Variants in TGM7 observed in about 807,000 individuals in gnomAD.
TGM7 encodes protein-glutamine gamma-glutamyltransferase Z.
A neutral mutation model predicts 79.5 loss-of-function variants in TGM7; 74 were observed. That is an observed-to-expected ratio of 0.93 (90% CI 0.77 to 1.13). TGM7 has a LOEUF of 1.13. Ranked by LOEUF, TGM7 falls within the 50% of genes most tolerant of loss-of-function variation. The pLI, the probability that TGM7 is intolerant of heterozygous loss-of-function variation, is 0.00. For synonymous variants in TGM7, 354 were observed against 362.5 expected (o/e 0.98, Z 0.27); for missense variants, 912 against 905.9 (o/e 1.01, Z -0.09).
At position 43,291,126 on chromosome 15, in the gene TGM7, G is replaced by A. The variant is rs371984711; in HGVS notation, c.558+853C>T. Among the ~76,000 whole-genome samples, 210 of 152,216 alleles carry A rather than the reference G, an allele frequency of 1.4e-3. 6 individuals carry two copies. In the South Asian group the frequency reaches 0.042, roughly 30 times the overall value. Reference sequence around the variant, plus strand: ...TTAAATAGGAGTGGTGAGAGAGGGCGTCCCTGTCTTGTGCCAGTTTTCAAA... The same window carrying A: ...TTAAATAGGAGTGGTGAGAGAGGGCATCCCTGTCTTGTGCCAGTTTTCAAA... On this transcript the variant is annotated intron_variant, in intron 4 of 12. Coordinates refer to ENST00000452443, the MANE Select transcript of TGM7 (RefSeq NM_052955.3).
intron 9 of TGM7, among the ~76,000 whole-genome samples, 183 bp from the exon 10 acceptor site, chr15:43,280,134 T>C (rs2042900659): frequency 6.6e-6 from 1 of 152,158 alleles, no homozygotes; most frequent in Non-Finnish European, 1.5e-5. Context: ...TGTTCTGTCA[T>C]CTGTAACCTG....
rs757122967 is a variant in TGM7, at chr15:43,282,567, C to A, written c.1058G>T (p.Gly353Val). ...CWMIRKDLPP[G>V]YNGWQVLDPT... ...GTCCAGAACCTGCCACCCGTTGTATCCTGGTGGGAGATCTTTCCGGATCAT... is the reference window on the plus strand; with the variant it reads ...GTCCAGAACCTGCCACCCGTTGTATACTGGTGGGAGATCTTTCCGGATCAT... The change falls in exon 8 of 13, where the codon GGA (glycine) becomes GTA (valine). Residue 353 changes from glycine (G) to valine (V), a missense_variant. Gly to Val is a moderately radical substitution (Grantham distance 109, BLOSUM62 -3). Coordinates refer to ENST00000452443, the MANE Select transcript of TGM7 (RefSeq NM_052955.3). The A allele has an allele frequency of 2.5e-6, 4 of 1,603,134 alleles. No homozygotes were observed. The highest frequency in any genetic ancestry group is 3.4e-6 in the Non-Finnish European group (4 of 1,174,456).
At chr15:43,279,511 G>T (rs896242049) in intron 10 of TGM7, 114 bp downstream of exon 10, 8 of 1,341,726 alleles carry the variant, frequency 6.0e-6, no homozygotes, top group Non-Finnish European at 8.1e-6. Context: ...CCCAGAATGT[G>T]TGTGTGTTGG....
chr15:43,285,629 A>C (rs1487801750), intron 6 of TGM7, among the ~76,000 whole-genome samples: 1 of 152,146 alleles, frequency 6.6e-6, no homozygotes, highest in Non-Finnish European at 1.5e-5. Context: ...GAGGTATGAA[A>C]GAAATTCGAG....
At chr15:43,278,444 A>G (rs2042888758) in intron 11 of TGM7, among the ~76,000 whole-genome samples, 1 of 152,016 alleles carries the variant, frequency 6.6e-6, no homozygotes, top group Admixed American at 6.6e-5. Flanking sequence ...TGTCACCTCA[A>G]TCTTGTCAAT....
intron 1 of TGM7, among the ~76,000 whole-genome samples, chr15:43,297,979 C>T (rs1348721881): frequency 6.6e-6 from 1 of 152,236 alleles, no homozygotes; most frequent in Non-Finnish European, 1.5e-5. Flanking sequence ...TGCCTAACTG[C>T]AGATATGCAT....
intron 1 of TGM7, among the ~76,000 whole-genome samples, chr15:43,300,733 G>T (rs922731726): frequency 6.6e-6 from 1 of 152,142 alleles, no homozygotes; most frequent in Non-Finnish European, 1.5e-5. Flanking sequence ...CCCTGGAGGC[G>T]GAGCTTGCAG....
intron 6 of TGM7, among the ~76,000 whole-genome samples, chr15:43,285,800 C>T (rs2042932631): frequency 6.6e-6 from 1 of 151,838 alleles, no homozygotes; most frequent in Non-Finnish European, 1.5e-5. Context: ...GTTATGATTT[C>T]ACAAATCTAG....
At chr15:43,285,075 G>T in intron 6 of TGM7, 123 bp from the exon 7 acceptor site, 1 of 1,054,574 alleles carries the variant, frequency 9.5e-7, no homozygotes, top group Non-Finnish European at 1.4e-6. Flanking sequence ...AACCACACCA[G>T]TAACTCCTTT....
chr15:43,301,413 T>C (rs1381197095), intron 1 of TGM7, among the ~76,000 whole-genome samples: 2 of 151,474 alleles, frequency 1.3e-5, no homozygotes, highest in African/African-American at 4.8e-5. Context: ...GTGGGTCACC[T>C]GAGGTCAGGA....
At chr15:43,287,760 T>C (rs1329555959) in intron 4 of TGM7, 91 bp from the exon 5 acceptor site, 1 of 1,484,090 alleles carries the variant, frequency 6.7e-7, no homozygotes, top group Non-Finnish European at 9.0e-7. Flanking sequence ...GGGGATGGCA[T>C]GTATATGGGG....
intron 1 of TGM7, among the ~76,000 whole-genome samples, chr15:43,298,534 A>G (rs998159116): frequency 6.6e-6 from 1 of 152,198 alleles, no homozygotes; most frequent in Non-Finnish European, 1.5e-5. Flanking sequence ...AGGCGGGCGG[A>G]TCACAAGGTC....
At chr15:43,285,518 G>A (rs2042931049) in intron 6 of TGM7, among the ~76,000 whole-genome samples, 1 of 152,150 alleles carries the variant, frequency 6.6e-6, no homozygotes, top group Non-Finnish European at 1.5e-5. Context: ...GGGTAAACAC[G>A]TGTCACGGGG....
intron 1 of TGM7, among the ~76,000 whole-genome samples, chr15:43,296,214 A>G (rs1394393988): frequency 2.0e-5 from 3 of 152,174 alleles, no homozygotes; most frequent in Non-Finnish European, 4.4e-5. Flanking sequence ...TCACGAGGTC[A>G]GGAGATTGAG....
intron 12 of TGM7, 49 bp downstream of exon 12, chr15:43,276,813 C>A: frequency 1.2e-6 from 2 of 1,600,602 alleles, no homozygotes; most frequent in Non-Finnish European, 8.5e-7. Context: ...CCATGGGGCA[C>A]CCCTTTCCTG....
chr15:43,279,902 C>T lies in TGM7; in HGVS notation c.1401G>A (p.Leu467=), dbSNP rs368318082. The change falls in exon 10 of 13, where the codon CTG becomes CTA. Residue 467 remains leucine, a synonymous_variant. Transcript: ENST00000452443. ...AVFMKASRKM[L]GPQRASLPFL... ...AGGGCAAAGAAGCTCTTTGGGGGCC[C>T]AGCATTTTCCGAGAAGCCTTCATGA... 6.2e-7 allele frequency: 1 copy of T among 1,614,034 alleles called. No individual in the cohort carries two copies. Among genetic ancestry groups the T allele is most frequent in the Non-Finnish European group, 8.5e-7 (1 of 1,180,030 alleles).
At position 43,292,848 on chromosome 15, in the gene TGM7, A is replaced by G; in HGVS notation, c.300T>C (p.Ser100=). 1 of 1,614,048 alleles carries G rather than the reference A, an allele frequency of 6.2e-7. No homozygotes were observed. Among genetic ancestry groups the G allele is most frequent in the Non-Finnish European group, 8.5e-7 (1 of 1,180,038 alleles). ...SASDFTIDSN[S]LQVSLFTPAN... ...CTGGTGTGAAAAGGGAAACTTGGAGAGAGTTGGAGTCAATGGTGAAATCAG... is the reference window on the plus strand; with the variant it reads ...CTGGTGTGAAAAGGGAAACTTGGAGGGAGTTGGAGTCAATGGTGAAATCAG... Residue 100 remains serine, a synonymous_variant, in exon 3 of 13, where the codon TCT becomes TCC. Transcript: ENST00000452443.
intron 1 of TGM7, among the ~76,000 whole-genome samples, chr15:43,296,173 C>T (rs182701132): frequency 6.6e-6 from 1 of 152,288 alleles, no homozygotes; most frequent in Admixed American, 6.5e-5. Context: ...CGCCTGTAAT[C>T]CCAGCACTTT....
At chr15:43,296,269 C>CA (rs796939466) in intron 1 of TGM7, among the ~76,000 whole-genome samples, 4 of 151,820 alleles carry the variant, frequency 2.6e-5, no homozygotes, top group South Asian at 2.1e-4. Flanking sequence ...ACTAAAGATA[C>CA]AAAAAATTAG....
Sources: gnomAD v4.1 joint callset for allele counts (sites outside exome capture counted in the v4.1 genomes callset) on GRCh38, gnomAD v4.1.1 for gene constraint, MANE v1.5 for transcripts, NCBI Gene and HGNC (gene_info 2026-07-23, HGNC 2026-07-21) for gene names.